IL10RB: variants seen among roughly 807,000 people sequenced by gnomAD.
The protein encoded by IL10RB is interleukin-10 receptor subunit beta.
Under a neutral mutation model 38.7 loss-of-function variants are expected in IL10RB, and 30 were observed. The ratio of observed to expected loss-of-function variants is 0.78; its 90% CI spans 0.58 to 1.05. IL10RB has a LOEUF of 1.05. Ranked by LOEUF, IL10RB falls within the 50% of genes least tolerant of loss-of-function variation. The pLI is 0.00. For synonymous variants in IL10RB, 142 were observed against 145.9 expected (o/e 0.97, Z 0.19); for missense variants, 328 against 397.1 (o/e 0.83, Z 1.48).
chr21:33,266,909 A>G (rs942752787), intron 1 of IL10RB, among the ~76,000 whole-genome samples: 2 of 152,126 alleles, frequency 1.3e-5, no homozygotes, highest in East Asian at 3.9e-4. Context: ...GGCCCCCACC[A>G]GTCCCCGAGT....
At position 33,276,320 on chromosome 21, in the gene IL10RB, C is replaced by G. The variant is rs187984574; in HGVS notation, c.174-276C>G. On this transcript the variant is annotated intron_variant, in intron 2 of 6. Coordinates refer to ENST00000290200, the MANE Select transcript of IL10RB (RefSeq NM_000628.5). ...TTTATTTTGGTAAATTTTTGTAAAT[C>G]AATGTCTCATAAATCACATGCCCCT... 3.9e-5 allele frequency among the ~76,000 whole-genome samples: 6 copies of G among 152,208 alleles called. No homozygotes were observed. The East Asian group carries it at 9.6e-4, about 24-fold the overall frequency.
chr21:33,279,093 T>C (rs1292714618), intron 3 of IL10RB, among the ~76,000 whole-genome samples: 1 of 152,182 alleles, frequency 6.6e-6, no homozygotes. Context: ...TGACAGGTAG[T>C]GACTATGGTT....
chr21:33,296,355 T>G lies in IL10RB; in HGVS notation c.976T>G (p.Ter326GluextTer22). 1.2e-6 allele frequency: 2 copies of G among 1,613,196 alleles called. No individual in the cohort carries two copies. Among genetic ancestry groups the G allele is most frequent in the African/African-American group, 2.7e-5 (2 of 75,046 alleles). Residue 326 changes from the stop codon to glutamate, a stop_lost, in exon 7 of 7, where the codon TAG (stop) becomes GAG (glutamate). Coordinates refer to ENST00000290200, the MANE Select transcript of IL10RB (RefSeq NM_000628.5). ...GTPPGQGPQS[*>E] ...CCCGCCTGGGCAGGGGCCCCAAAGC[T>G]AGGCTCTGAGAAGGAAACACACTCG...
At chr21:33,273,725 A>G (rs1989121126) in intron 2 of IL10RB, among the ~76,000 whole-genome samples, 1 of 152,246 alleles carries the variant, frequency 6.6e-6, no homozygotes, top group Non-Finnish European at 1.5e-5. Context: ...AACTAAGTTT[A>G]TGTAATATTC....
At chr21:33,291,962 A>G (rs775450038) in intron 6 of IL10RB, among the ~76,000 whole-genome samples, 2 of 152,104 alleles carry the variant, frequency 1.3e-5, no homozygotes, top group African/African-American at 4.8e-5. Flanking sequence ...GCCCTGTGCC[A>G]TGTACAGGTG....
chr21:33,299,679 A>G (rs777481752), downstream of IL10RB, among the ~76,000 whole-genome samples: 8 of 152,184 alleles, frequency 5.3e-5, no homozygotes, highest in Non-Finnish European at 1.2e-4. Flanking sequence ...GAGCTTTAGA[A>G]ATGTGGATGC....
chr21:33,275,807 C>CGCCT (rs1382557798), intron 2 of IL10RB, among the ~76,000 whole-genome samples: 1 of 152,198 alleles, frequency 6.6e-6, no homozygotes, highest in Non-Finnish European at 1.5e-5. Flanking sequence ...AGGAGAGAGG[C>CGCCT]AGGAGAGTGG....
chr21:33,286,934 A>C (rs1989384849), intron 5 of IL10RB, among the ~76,000 whole-genome samples: 1 of 152,138 alleles, frequency 6.6e-6, no homozygotes, highest in Non-Finnish European at 1.5e-5. Context: ...GGGAAGTGAA[A>C]AAAATTTTAA....
intron 6 of IL10RB, among the ~76,000 whole-genome samples, chr21:33,289,938 C>T (rs1025403825): frequency 3.9e-5 from 6 of 152,146 alleles, no homozygotes; most frequent in Non-Finnish European, 7.4e-5. Flanking sequence ...CATGGTGAAA[C>T]CCCGTCTCTA....
intron 6 of IL10RB, among the ~76,000 whole-genome samples, chr21:33,288,564 G>A (rs1601835893): frequency 6.6e-6 from 1 of 152,270 alleles, no homozygotes; most frequent in Non-Finnish European, 1.5e-5. Context: ...TCCCTGAGGA[G>A]CAAAGGTGAT....
intron 5 of IL10RB, among the ~76,000 whole-genome samples, chr21:33,284,066 C>T (rs1361850318): frequency 6.6e-6 from 1 of 152,044 alleles, no homozygotes; most frequent in Non-Finnish European, 1.5e-5. Flanking sequence ...GAGGCCGAGG[C>T]GGGCGGATCA....
intron 1 of IL10RB, among the ~76,000 whole-genome samples, chr21:33,304,688 A>G (rs1467210908): frequency 5.3e-5 from 8 of 152,208 alleles, no homozygotes; most frequent in Non-Finnish European, 7.3e-5. Context: ...CCAGATCTAC[A>G]GTAGCAGACG....
At position 33,306,525 on chromosome 21, in the gene IL10RB, T is replaced by A. The variant is rs139331789; in HGVS notation, c.130-2451T>A. Among the ~76,000 whole-genome samples the A allele has an allele frequency of 5.4e-4, 82 of 152,244 alleles. No homozygotes were observed. In the East Asian group the frequency reaches 8.7e-3, roughly 16 times the overall value. ...AAAATTCTAGTTTTTGATATAATAG[T>A]TATCTGAGCAGAATGTGAATTTACA... On this transcript the variant is annotated intron_variant, in intron 1 of 1. Coordinates refer to the IL10RB transcript ENST00000609556.
At chr21:33,306,195 A>C (rs2082998549) in intron 1 of IL10RB, among the ~76,000 whole-genome samples, 1 of 152,184 alleles carries the variant, frequency 6.6e-6, no homozygotes, top group African/African-American at 2.4e-5. Context: ...AGAAGAATGG[A>C]TCTGGAGAGG....
At chr21:33,302,395 C>T (rs2082988167) in intron 1 of IL10RB, among the ~76,000 whole-genome samples, 1 of 152,238 alleles carries the variant, frequency 6.6e-6, no homozygotes, top group South Asian at 2.1e-4. Flanking sequence ...AGGCTGGGCC[C>T]CCTTGCGTTA....
At chr21:33,294,112 C>T (rs1989542851) in intron 6 of IL10RB, 3 of 467,396 alleles carry the variant, frequency 6.4e-6, no homozygotes, top group South Asian at 1.6e-5. Context: ...CAGACTTGAC[C>T]GTGGAGCCAG....
chr21:33,296,576 T>A lies in IL10RB; in HGVS notation c.*219T>A, dbSNP rs2082968281. ...GGAACTCACTGCCTTATAAAGGCTT[T>A]CATGATGTTTTCAGAAGTTGGCCAC... On this transcript the variant is annotated 3_prime_UTR_variant, in exon 7 of 7. Transcript: ENST00000290200. 5.9e-6 allele frequency: 4 copies of A among 677,580 alleles called. No homozygotes were observed. Among genetic ancestry groups the A allele is most frequent in the South Asian group, 4.5e-5 (3 of 66,542 alleles). 42.0% of individuals were successfully genotyped at this position (677,580 alleles called of 1,614,324 possible).
intron 1 of IL10RB, among the ~76,000 whole-genome samples, chr21:33,306,700 AT>A (rs2082999838): frequency 1.3e-5 from 2 of 151,598 alleles, no homozygotes; most frequent in African/African-American, 2.4e-5. Context: ...TGCCCAGATA[AT>A]TTTTTTTACT....
Position 33,266,373 on chromosome 21 carries a change from G to T in IL10RB, c.-93G>T. The T allele has an allele frequency of 7.0e-7, 1 of 1,433,750 alleles. No individual in the cohort carries two copies. The highest frequency in any genetic ancestry group is 9.4e-7 in the Non-Finnish European group (1 of 1,060,188). The allele number at this position is 1,433,750 out of a possible 1,614,324, so 88.8% of individuals were successfully genotyped here. On this transcript the variant is annotated 5_prime_UTR_variant, in exon 1 of 7. Transcript: ENST00000290200. ...TCCCCACCCCGCCCCGCCCATCTCCGCTGGTTCCCGGAAGCCGCCGCGGAC... is the reference window on the plus strand; with the variant it reads ...TCCCCACCCCGCCCCGCCCATCTCCTCTGGTTCCCGGAAGCCGCCGCGGAC...
Sources: gnomAD v4.1 joint callset for allele counts (sites outside exome capture counted in the v4.1 genomes callset) on GRCh38, gnomAD v4.1.1 for gene constraint, MANE v1.5 for transcripts, NCBI Gene and HGNC (gene_info 2026-07-23, HGNC 2026-07-21) for gene names.